The following FAF1 variants were observed in gnomAD, a reference collection of about 807,000 sequenced individuals.
FAF1 encodes Fas associated factor 1.
Under a neutral mutation model 92.5 loss-of-function variants are expected in FAF1, and 25 were observed. The ratio of observed to expected loss-of-function variants is 0.27; its 90% CI spans 0.20 to 0.38. FAF1 has a LOEUF of 0.38. FAF1 is among the 10% of genes least tolerant of loss of function. The probability of loss-of-function intolerance (pLI) is 1.00; values close to 1 mark genes in which losing one functional copy is unlikely to be tolerated. For synonymous variants in FAF1, 234 were observed against 273.2 expected (o/e 0.86, Z 1.42); for missense variants, 636 against 793.3 (o/e 0.80, Z 2.38).
At chr1:50,644,350 T>C (rs1411496245) in intron 8 of FAF1, among the ~76,000 whole-genome samples, 2 of 152,238 alleles carry the variant, frequency 1.3e-5, no homozygotes, top group Non-Finnish European at 1.5e-5. Flanking sequence ...AGTTTTAGTT[T>C]TGTGTAAACT....
intron 5 of FAF1, among the ~76,000 whole-genome samples, chr1:50,744,173 A>G (rs1659500469): frequency 6.6e-6 from 1 of 152,222 alleles, no homozygotes; most frequent in Non-Finnish European, 1.5e-5. Context: ...AAATTCTTAA[A>G]ATATAATTCA....
chr1:50,686,541 T>A (rs1054083784), intron 7 of FAF1, among the ~76,000 whole-genome samples: 1 of 126,234 alleles, frequency 7.9e-6, no homozygotes, highest in African/African-American at 2.9e-5. Context: ...AAACTCTATC[T>A]CAAAGAAGAG....
chr1:50,750,622 CTT>C (rs200229291), intron 4 of FAF1, among the ~76,000 whole-genome samples: 14 of 133,712 alleles, frequency 1.0e-4, no homozygotes, highest in South Asian at 4.9e-4. Context: ...TTTTTCTTTT[CTT>C]TTTTTTTTTT....
At chr1:50,684,648 A>G (rs1216520904) in intron 7 of FAF1, among the ~76,000 whole-genome samples, 1 of 152,092 alleles carries the variant, frequency 6.6e-6, no homozygotes, top group Non-Finnish European at 1.5e-5. Context: ...AGGTACCAAC[A>G]CTTTGTCAGA....
At chr1:50,655,831 G>T (rs1358026168) in intron 7 of FAF1, among the ~76,000 whole-genome samples, 1 of 152,024 alleles carries the variant, frequency 6.6e-6, no homozygotes, top group Admixed American at 6.6e-5. Flanking sequence ...GTTCACTAAG[G>T]GCAAAGTACG....
chr1:50,878,609 T>G (rs1222713756), intron 1 of FAF1, among the ~76,000 whole-genome samples: 1 of 152,190 alleles, frequency 6.6e-6, no homozygotes, highest in African/African-American at 2.4e-5. Flanking sequence ...CCCTTACACA[T>G]TAGCAGCCAA....
intron 1 of FAF1, among the ~76,000 whole-genome samples, chr1:50,887,082 T>A (rs953161280): frequency 6.6e-6 from 1 of 152,248 alleles, no homozygotes; most frequent in Admixed American, 6.5e-5. Context: ...CTAACTGGTG[T>A]GAGATGGTAT....
chr1:50,586,138 A>T (rs888875979), intron 9 of FAF1, among the ~76,000 whole-genome samples: 1 of 152,150 alleles, frequency 6.6e-6, no homozygotes, highest in Non-Finnish European at 1.5e-5. Flanking sequence ...AGCTGGAAGG[A>T]TCTTAAAAAT....
intron 3 of FAF1, among the ~76,000 whole-genome samples, chr1:50,788,887 A>G (rs1661464625): frequency 6.6e-6 from 1 of 152,164 alleles, no homozygotes; most frequent in African/African-American, 2.4e-5. Flanking sequence ...GCTGGACAGC[A>G]GTGGCACAAT....
At chr1:50,498,038 C>T (rs757078159) in intron 15 of FAF1, among the ~76,000 whole-genome samples, 1 of 151,846 alleles carries the variant, frequency 6.6e-6, no homozygotes, top group African/African-American at 2.4e-5. Context: ...TAATTGAAAC[C>T]GTGGTAGTGG....
At chr1:50,725,395 C>A (rs1462183821) in intron 6 of FAF1, among the ~76,000 whole-genome samples, 1 of 152,182 alleles carries the variant, frequency 6.6e-6, no homozygotes, top group Non-Finnish European at 1.5e-5. Context: ...TCGCTTAATT[C>A]ATGGCTACTG....
rs1651045370 is a variant in FAF1, at chr1:50,582,669, A to G, written c.1062T>C (p.Ile354=). ...CTTGAAAAGCAGCTTCTAATGAGCC[A>G]ATAAAAAATACAGGATGGCAATCAC... The part of the protein sequence containing the change: ...RYGDCHPVFF[I]GSLEAAFQEA... The change falls in exon 12 of 19, where the codon ATT becomes ATC. Residue 354 remains isoleucine, a synonymous_variant. Transcript: ENST00000396153. The G allele has an allele frequency of 6.2e-7, 1 of 1,612,134 alleles. No individual in the cohort carries two copies. Among genetic ancestry groups the G allele is most frequent in the Non-Finnish European group, 8.5e-7 (1 of 1,178,292 alleles).
intron 4 of FAF1, among the ~76,000 whole-genome samples, chr1:50,749,456 C>T (rs1290047746): frequency 6.6e-6 from 1 of 152,114 alleles, no homozygotes; most frequent in African/African-American, 2.4e-5. Context: ...AGAAAAAAAG[C>T]TGGAATCATG....
At chr1:50,914,981 C>A (rs536731403) in intron 1 of FAF1, among the ~76,000 whole-genome samples, 368 of 152,334 alleles carry the variant, frequency 2.4e-3, no homozygotes, top group Non-Finnish European at 4.2e-3. Context: ...ATCAGCTCTC[C>A]ACATTGCAAA....
intron 2 of FAF1, among the ~76,000 whole-genome samples, chr1:50,826,448 G>A (rs1644098744): frequency 6.6e-6 from 1 of 151,950 alleles, no homozygotes; most frequent in African/African-American, 2.4e-5. Context: ...TACTCAGGAG[G>A]CCAAGGCAGG....
At chr1:50,578,010 G>A (rs990873289) in intron 12 of FAF1, among the ~76,000 whole-genome samples, 2 of 152,196 alleles carry the variant, frequency 1.3e-5, no homozygotes, top group Non-Finnish European at 2.9e-5. Context: ...ATGTGGCATC[G>A]TGAGAAACAC....
At chr1:50,838,352 A>T (rs552552723) in intron 2 of FAF1, among the ~76,000 whole-genome samples, 1 of 151,642 alleles carries the variant, frequency 6.6e-6, no homozygotes, top group South Asian at 2.1e-4. Context: ...TATAGTATTA[A>T]CATATATTAC....
At chr1:50,611,853 C>T (rs1367118556) in intron 8 of FAF1, among the ~76,000 whole-genome samples, 10 of 152,138 alleles carry the variant, frequency 6.6e-5, no homozygotes, top group Non-Finnish European at 4.4e-5. Context: ...TACCCACACA[C>T]GTATATACAC....
intron 1 of FAF1, among the ~76,000 whole-genome samples, chr1:50,862,426 A>C (rs1326805771): frequency 1.3e-5 from 2 of 151,948 alleles, no homozygotes; most frequent in African/African-American, 4.8e-5. Context: ...AGCAACTGGC[A>C]AGGGCAGTGG....
Sources: allele counts gnomAD v4.1 joint callset (sites outside exome capture counted in the v4.1 genomes callset), GRCh38; gene constraint gnomAD v4.1.1; transcripts MANE v1.5; gene names NCBI Gene and HGNC (gene_info 2026-07-23, HGNC 2026-07-21).